Variants in RPSA2 observed in about 807,000 individuals in gnomAD.
RPSA2 encodes small ribosomal subunit protein uS2B.
chr19:23,785,206 A>G, the RPSA2 span, among the ~76,000 whole-genome samples: 1 of 152,202 alleles, frequency 6.6e-6, no homozygotes, highest in African/African-American at 2.4e-5. Flanking sequence ...AGGTGATGGG[A>G]ATCTTTTTTT....
At chr19:23,808,695 TGTTA>T in the RPSA2 span, 2 of 612,642 alleles carry the variant, frequency 3.3e-6, no homozygotes, top group South Asian at 1.4e-5. Context: ...GCAAGATTCA[TGTTA>T]GTTATTTTTA....
the RPSA2 span, among the ~76,000 whole-genome samples, chr19:23,822,277 C>T: frequency 2.6e-5 from 4 of 152,200 alleles, no homozygotes; most frequent in East Asian, 1.9e-4. Flanking sequence ...CAGTTGGGAT[C>T]TGTTTCTGGG....
At chr19:23,836,344 G>C in the RPSA2 span, among the ~76,000 whole-genome samples, 1 of 151,978 alleles carries the variant, frequency 6.6e-6, no homozygotes, top group Admixed American at 6.6e-5. Context: ...TGTTATGGCT[G>C]AGTAGTATTC....
At chr19:23,823,466 AAGAG>A in the RPSA2 span, among the ~76,000 whole-genome samples, 3 of 152,142 alleles carry the variant, frequency 2.0e-5, no homozygotes, top group South Asian at 4.1e-4. Flanking sequence ...AGTCTATACT[AAGAG>A]AGCTGTAGCC....
chr19:23,824,580 C>CT, the RPSA2 span, among the ~76,000 whole-genome samples: 2 of 63,822 alleles, frequency 3.1e-5, 1 homozygote, highest in African/African-American at 1.2e-4. Context: ...TATAGCATTT[C>CT]TTTTTTTTTT....
At chr19:23,812,154 A>G in the RPSA2 span, among the ~76,000 whole-genome samples, 3 of 152,128 alleles carry the variant, frequency 2.0e-5, no homozygotes, top group South Asian at 4.1e-4. Context: ...GTTTTTTACT[A>G]TAAATTTCTT....
the RPSA2 span, among the ~76,000 whole-genome samples, chr19:23,813,973 G>T: frequency 6.6e-6 from 1 of 151,708 alleles, no homozygotes; most frequent in South Asian, 2.1e-4. Flanking sequence ...TGCTCACCTC[G>T]GCCTCCCAAC....
the RPSA2 span, chr19:23,832,800 C>T: frequency 0.48 from 761,642 of 1,577,156 alleles, 191,149 homozygotes; most frequent in Non-Finnish European, 0.53. Context: ...GAGAGAAACC[C>T]TACAAATGTG....
the RPSA2 span, among the ~76,000 whole-genome samples, chr19:23,817,127 A>C: frequency 6.6e-6 from 1 of 152,206 alleles, no homozygotes; most frequent in African/African-American, 2.4e-5. Flanking sequence ...CACGCCTGTA[A>C]TCCCAACACT....
At chr19:23,797,105 A>ATATTTATT in the RPSA2 span, among the ~76,000 whole-genome samples, 4,944 of 151,346 alleles carry the variant, frequency 0.033, 165 homozygotes, top group South Asian at 0.16. Flanking sequence ...ATTTTTATTT[A>ATATTTATT]TATTTATTTA....
the RPSA2 span, among the ~76,000 whole-genome samples, chr19:23,856,823 G>A: frequency 3.7e-4 from 56 of 152,254 alleles, no homozygotes; most frequent in Middle Eastern, 3.4e-3. Context: ...AAAAGGGGAG[G>A]GGGTGTAAGA....
chr19:23,793,560 ATCT>A, the RPSA2 span, among the ~76,000 whole-genome samples: 2 of 151,064 alleles, frequency 1.3e-5, no homozygotes, highest in Non-Finnish European at 2.9e-5. Context: ...GGCTCAAGCA[ATCT>A]TCTTTTTTTT....
At chr19:23,789,936 G>T in the RPSA2 span, among the ~76,000 whole-genome samples, 2 of 151,974 alleles carry the variant, frequency 1.3e-5, no homozygotes, top group African/African-American at 4.8e-5. Flanking sequence ...CCTCAGGCTT[G>T]GAAAGTGCTG....
chr19:23,839,996 T>C, the RPSA2 span, among the ~76,000 whole-genome samples: 1 of 152,220 alleles, frequency 6.6e-6, no homozygotes, highest in African/African-American at 2.4e-5. Flanking sequence ...AGCAGTCTGC[T>C]TCCTTCAGAG....
the RPSA2 span, among the ~76,000 whole-genome samples, chr19:23,788,750 G>T: frequency 6.6e-6 from 1 of 152,120 alleles, no homozygotes; most frequent in Non-Finnish European, 1.5e-5. Flanking sequence ...TATTGGGTCT[G>T]ACATTACGGG....
the RPSA2 span, chr19:23,758,615 A>C: frequency 7.4e-7 from 1 of 1,357,206 alleles, no homozygotes; most frequent in African/African-American, 1.4e-5. Context: ...CCGCCATCTT[A>C]TGGTCCAAGT....
chr19:23,832,142 G>A, the RPSA2 span: 1 of 419,358 alleles, frequency 2.4e-6, no homozygotes. Context: ...CTTTACAGAT[G>A]TGAAGAATGT....
the RPSA2 span, among the ~76,000 whole-genome samples, chr19:23,789,840 A>G: frequency 6.6e-6 from 1 of 151,164 alleles, no homozygotes; most frequent in East Asian, 2.0e-4. Context: ...AGGAAGCCAA[A>G]CTATTTTTTG....
the RPSA2 span, among the ~76,000 whole-genome samples, chr19:23,843,508 C>T: frequency 6.6e-6 from 1 of 152,118 alleles, no homozygotes; most frequent in African/African-American, 2.4e-5. Flanking sequence ...ACCATGAGAG[C>T]TAAAGTCCTC....
Sources: gnomAD v4.1 joint callset for allele counts (sites outside exome capture counted in the v4.1 genomes callset) on GRCh38, gnomAD v4.1.1 for gene constraint, MANE v1.5 for transcripts, NCBI Gene and HGNC (gene_info 2026-07-23, HGNC 2026-07-21) for gene names.